The following CSMD1 variants were observed in gnomAD, a reference collection of about 807,000 sequenced individuals.
CSMD1 encodes the protein CUB and sushi domain-containing protein 1.
Under a neutral mutation model 417.5 loss-of-function variants are expected in CSMD1, and 213 were observed. The observed-to-expected ratio is 0.51, with a 90% CI of 0.46 to 0.57. The LOEUF is 0.57. Among genes scored for constraint, CSMD1 ranks in the 20% least tolerant of loss-of-function variants. The pLI is 0.00. For synonymous variants in CSMD1, 2,862 were observed against 1,736.8 expected, an observed-to-expected ratio of 1.65 and a Z score of -16.11; for missense variants, 6,923 against 4,529.7, an observed-to-expected ratio of 1.53 and a Z score of -15.17.
chr8:4,573,770 T>A (rs1799003274), intron 2 of CSMD1, among the ~76,000 whole-genome samples: 1 of 152,198 alleles, frequency 6.6e-6, no homozygotes, highest in Non-Finnish European at 1.5e-5. Context: ...AGGAATTTTA[T>A]CTATGAGCCG....
At chr8:4,905,794 TG>T (rs1458069909) in intron 1 of CSMD1, among the ~76,000 whole-genome samples, 6 of 130,202 alleles carry the variant, frequency 4.6e-5, no homozygotes, top group Admixed American at 3.0e-4. Flanking sequence ...CACTCCAGCC[TG>T]GGCCACAGAG....
Position 4,578,332 on chromosome 8 carries a change from A to ATTTT in CSMD1, c.302+59006_302+59009dup, listed in dbSNP as rs1172600205. Among the ~76,000 whole-genome samples, 77 of 48,766 alleles carry ATTTT rather than the reference A, an allele frequency of 1.6e-3. 8 individuals are homozygous for ATTTT. The highest frequency in any genetic ancestry group is 5.0e-3 in the African/African-American group (65 of 13,098). The allele number at this position is 48,766 out of a possible 152,430, so 32.0% of individuals were successfully genotyped here. ...AGGCACCTGCCACGACACCCGGCTC[A>ATTTT]TTTTTTTTTTTTTTTTTTTTTTTTT... is the stretch of plus-strand genomic sequence containing the variant. On this transcript the variant is annotated intron_variant, in intron 2 of 69. Transcript: ENST00000635120.
intron 5 of CSMD1, among the ~76,000 whole-genome samples, chr8:3,955,182 C>T (rs1335502425): frequency 3.3e-5 from 5 of 152,182 alleles, no homozygotes; most frequent in Admixed American, 2.0e-4. Flanking sequence ...CCTCCACCAC[C>T]CGTGACCACG....
intron 1 of CSMD1, among the ~76,000 whole-genome samples, chr8:4,959,546 T>G (rs149985561): frequency 6.6e-6 from 1 of 152,246 alleles, no homozygotes; most frequent in African/African-American, 2.4e-5. Flanking sequence ...TGGTGACCAC[T>G]CTGGTCACGG....
chr8:4,618,575 T>G (rs1014943838), intron 2 of CSMD1, among the ~76,000 whole-genome samples: 3 of 152,134 alleles, frequency 2.0e-5, no homozygotes, highest in Non-Finnish European at 4.4e-5. Context: ...AGCCTTCTCC[T>G]GGATCCAACA....
At chr8:4,163,362 G>C (rs1012681278) in intron 3 of CSMD1, among the ~76,000 whole-genome samples, 2 of 152,132 alleles carry the variant, frequency 1.3e-5, no homozygotes, top group African/African-American at 4.8e-5. Flanking sequence ...CCATAACTCA[G>C]AGTTATTTTA....
intron 3 of CSMD1, among the ~76,000 whole-genome samples, chr8:4,089,863 C>G (rs35543823): frequency 6.6e-6 from 1 of 152,004 alleles, no homozygotes; most frequent in Non-Finnish European, 1.5e-5. Flanking sequence ...TGGGATCTCA[C>G]CACAGAGAAG....
intron 3 of CSMD1, among the ~76,000 whole-genome samples, chr8:4,348,873 T>C (rs1205318824): frequency 3.9e-5 from 6 of 152,320 alleles, no homozygotes; most frequent in Middle Eastern, 6.8e-3. Context: ...CATCTACATG[T>C]CTGTTGCTCT....
At chr8:3,997,873 T>C (rs751591815) in intron 5 of CSMD1, 30 bp downstream of exon 5, 3 of 1,587,482 alleles carry the variant, frequency 1.9e-6, no homozygotes, top group South Asian at 1.1e-5. Context: ...CACACCTGTA[T>C]CCTTTGTGGC....
At chr8:3,483,544 T>C (rs1817859527) in intron 11 of CSMD1, among the ~76,000 whole-genome samples, 1 of 152,082 alleles carries the variant, frequency 6.6e-6, no homozygotes, top group Non-Finnish European at 1.5e-5. Flanking sequence ...ATTCTACTAA[T>C]TTATAAGTAA....
chr8:2,966,713 T>G lies in CSMD1; in HGVS notation c.8957A>C (p.Asn2986Thr). 3.1e-6 allele frequency: 5 copies of G among 1,613,768 alleles called. No individual in the cohort carries two copies. The highest frequency in any genetic ancestry group is 4.2e-6 in the Non-Finnish European group (5 of 1,179,812). Reference sequence around the variant, plus strand: ...GCCATCACTACTGACAATCATTCCGTTGGTGGGTGTGCCAGGGTTGCCACA... The same window carrying G: ...GCCATCACTACTGACAATCATTCCGGTGGTGGGTGTGCCAGGGTTGCCACA... The part of the protein sequence containing the change: ...VSCGNPGTPT[N>T]GMIVSSDGIL... Residue 2986 changes from asparagine (N) to threonine (T), a missense_variant, in exon 58 of 70, where the codon AAC becomes ACC. Transcript: ENST00000635120.
At chr8:4,310,353 G>C (rs1357930827) in intron 3 of CSMD1, among the ~76,000 whole-genome samples, 2 of 152,118 alleles carry the variant, frequency 1.3e-5, no homozygotes. Context: ...GGGTATCTTG[G>C]TCAAAGGGTT....
chr8:4,066,216 G>A, intron 3 of CSMD1, among the ~76,000 whole-genome samples: 1 of 152,286 alleles, frequency 6.6e-6, no homozygotes, highest in Non-Finnish European at 1.5e-5. Context: ...TGCCAGTCAT[G>A]GGCAACGCCT....
intron 46 of CSMD1, among the ~76,000 whole-genome samples, chr8:3,097,414 A>AAGAAAAG (rs1442252894): frequency 3.3e-5 from 5 of 152,026 alleles, no homozygotes; most frequent in African/African-American, 1.2e-4. Context: ...GTTATGCAAT[A>AAGAAAAG]AGAAAAGAAA....
chr8:4,153,780 G>A (rs1239338852), intron 3 of CSMD1, among the ~76,000 whole-genome samples: 2 of 152,156 alleles, frequency 1.3e-5, no homozygotes, highest in African/African-American at 4.8e-5. Context: ...CTTTGTCAGG[G>A]GAAACACAGT....
intron 5 of CSMD1, among the ~76,000 whole-genome samples, chr8:3,990,032 G>A (rs17068416): frequency 2.6e-5 from 4 of 152,098 alleles, no homozygotes; most frequent in African/African-American, 7.2e-5. Context: ...AGGAATAAAT[G>A]AGAGTTAAGC....
chr8:4,812,709 A>C (rs1798977837), intron 1 of CSMD1, among the ~76,000 whole-genome samples: 1 of 152,216 alleles, frequency 6.6e-6, no homozygotes, highest in South Asian at 2.1e-4. Flanking sequence ...ACATGTAAAA[A>C]ATACTATTAA....
intron 5 of CSMD1, among the ~76,000 whole-genome samples, chr8:3,755,162 C>A (rs1028412160): frequency 6.6e-6 from 1 of 152,172 alleles, no homozygotes; most frequent in South Asian, 2.1e-4. Context: ...GCGCAAGGGA[C>A]ACATTTAGTT....
intron 2 of CSMD1, among the ~76,000 whole-genome samples, chr8:4,442,559 G>A (rs576925477): frequency 6.6e-6 from 1 of 152,148 alleles, no homozygotes; most frequent in South Asian, 2.1e-4. Flanking sequence ...TGCAACTAAA[G>A]AGATTTTATC....
Sources: gnomAD v4.1 joint callset for allele counts (sites outside exome capture counted in the v4.1 genomes callset) on GRCh38, gnomAD v4.1.1 for gene constraint, MANE v1.5 for transcripts, NCBI Gene and HGNC (gene_info 2026-07-23, HGNC 2026-07-21) for gene names.